Variants in PCDHGB3 observed in about 807,000 individuals in gnomAD.
PCDHGB3 encodes the protein protocadherin gamma subfamily B, 3, also known as protocadherin gamma-B3.
A neutral mutation model predicts 59.2 loss-of-function variants in PCDHGB3; 40 were observed. That is an observed-to-expected ratio of 0.68 (90% CI 0.52 to 0.88). The LOEUF (loss-of-function observed/expected upper bound fraction) is 0.88. Among genes scored for constraint, PCDHGB3 ranks in the 40% least tolerant of loss-of-function variants. PCDHGB3 has a pLI of 0.00. For missense variants in PCDHGB3, 1,309 were observed against 1,187.9 expected (o/e 1.10, Z -1.50); for synonymous variants, 581 against 503.6 (o/e 1.15, Z -2.06).
chr5:141,480,065 A>G (rs2099511928), intron 1 of PCDHGB3, among the ~76,000 whole-genome samples: 1 of 152,220 alleles, frequency 6.6e-6, no homozygotes, highest in Non-Finnish European at 1.5e-5. Flanking sequence ...TAAGTGTTTT[A>G]TAAGATTCAT....
chr5:141,408,346 G>T (rs1248648378), intron 1 of PCDHGB3: 1 of 1,613,824 alleles, frequency 6.2e-7, no homozygotes, highest in African/African-American at 1.3e-5. Context: ...CGGTGGTGGG[G>T]AACCTCGCTA....
At chr5:141,433,353 G>C (rs2097584366) in intron 1 of PCDHGB3, 4 of 603,272 alleles carry the variant, frequency 6.6e-6, no homozygotes, top group South Asian at 6.2e-5. Context: ...GCCACCTACT[G>C]TCTGCCTATC....
chr5:141,374,118 AGCAGGTCCT>A lies in PCDHGB3; in HGVS notation c.2415+1312_2415+1320del, dbSNP rs761650555. On this transcript the variant is annotated intron_variant, in intron 1 of 3. Coordinates refer to ENST00000576222, the MANE Select transcript of PCDHGB3 (RefSeq NM_018924.5). ...CCGCAGAGGCATCCGCAGCGCAGCG[AGCAGGTCCT>A]GCTCCTCACGCTCCTGGGGACGCTG... 3.3e-5 allele frequency: 52 copies of A among 1,589,674 alleles called. 1 individual carries two copies. In the South Asian group the frequency reaches 5.5e-4, roughly 17 times the overall value.
chr5:141,451,069 C>G (rs2098705799), intron 1 of PCDHGB3, among the ~76,000 whole-genome samples: 1 of 151,836 alleles, frequency 6.6e-6, no homozygotes, highest in Non-Finnish European at 1.5e-5. Flanking sequence ...ACCTTGTGAT[C>G]CACCCACCTT....
chr5:141,487,516 G>A lies in PCDHGB3; in HGVS notation c.2416-7291G>A, dbSNP rs2099648095. On this transcript the variant is annotated intron_variant, in intron 1 of 3. Coordinates refer to ENST00000576222, the MANE Select transcript of PCDHGB3 (RefSeq NM_018924.5). The surrounding 1 kb of genome is among the most constrained non-coding windows in gnomAD (Gnocchi z 5.0). ...CACCCTTGGCTTCTGCACCCACTCG[G>A]AGTGATAGCTTCATGATGGTGAAGT... 6.2e-7 allele frequency: 1 copy of A among 1,614,078 alleles called. No individual in the cohort carries two copies. The highest frequency in any genetic ancestry group is 1.7e-5 in the Admixed American group (1 of 60,010).
intron 1 of PCDHGB3, chr5:141,478,227 G>A: frequency 6.2e-7 from 1 of 1,614,104 alleles, no homozygotes; most frequent in Non-Finnish European, 8.5e-7. Context: ...GTTTCTGTGG[G>A]GTTTGTGGTC....
At chr5:141,375,928 A>G (rs3749773) in intron 1 of PCDHGB3, 89,673 of 1,613,560 alleles carry the variant, frequency 0.056, 2,973 homozygotes, top group African/African-American at 0.14. Context: ...GCGAGCCAGG[A>G]CTTTTCTCAG....
chr5:141,408,448 G>A, intron 1 of PCDHGB3: 4 of 1,614,054 alleles, frequency 2.5e-6, no homozygotes, highest in Non-Finnish European at 2.5e-6. Context: ...CGGAGAGCGG[G>A]GACTTACTTG....
Position 141,487,007 on chromosome 5 carries a change from G to A in PCDHGB3, c.2416-7800G>A, listed in dbSNP as rs563548715. The A allele has an allele frequency of 3.1e-6, 5 of 1,614,206 alleles. No homozygotes were observed. In the South Asian group the frequency reaches 5.5e-5, roughly 18 times the overall value. ...TGCTTGGGTTTCCTATCAGCTCCTGGAGGCCCCAGATCCCAGCCTGTTTGC... is the reference window on the plus strand; with the variant it reads ...TGCTTGGGTTTCCTATCAGCTCCTGAAGGCCCCAGATCCCAGCCTGTTTGC... On this transcript the variant is annotated intron_variant, in intron 1 of 3. Transcript: ENST00000576222. This position sits in a 1 kb window ranked among gnomAD's most constrained non-coding sequence, Gnocchi z 5.0.
Position 141,370,945 on chromosome 5 carries a change from A to G in PCDHGB3, c.551A>G (p.Glu184Gly), listed in dbSNP as rs926355421. Residue 184 changes from glutamate (E) to glycine (G), a missense_variant, in exon 1 of 4, where the codon GAG becomes GGG. Physicochemically the swap from Glu to Gly is moderately conservative, Grantham distance 98 (BLOSUM62 -2). Coordinates refer to ENST00000576222, the MANE Select transcript of PCDHGB3 (RefSeq NM_018924.5). ...PDPHFSLIQK[E>G]NLDGSRYPEL... is the part of the protein sequence containing the mutation. ...CCGCACTTCTCTTTGATTCAGAAGG[A>G]GAACCTGGATGGCAGTAGGTACCCA... 1 of 1,614,020 alleles carries G rather than the reference A, an allele frequency of 6.2e-7. No homozygotes were observed. Among genetic ancestry groups the G allele is most frequent in the Non-Finnish European group, 8.5e-7 (1 of 1,179,876 alleles).
At chr5:141,495,779 C>A (rs529564820) in intron 2 of PCDHGB3, among the ~76,000 whole-genome samples, 53 of 152,094 alleles carry the variant, frequency 3.5e-4, no homozygotes, top group Non-Finnish European at 4.6e-4. Flanking sequence ...TCCTGGACCT[C>A]TTTTCTGTTT....
At position 141,383,792 on chromosome 5, in the gene PCDHGB3, C is replaced by T. The variant is rs766483523; in HGVS notation, c.2415+10983C>T. On this transcript the variant is annotated intron_variant, in intron 1 of 3. Coordinates refer to ENST00000576222, the MANE Select transcript of PCDHGB3 (RefSeq NM_018924.5). ...AAGATGTTTCATCTGAACTCGCTTA[C>T]AGGAGAAATATCAACTTTAGAAGGA... 2 of 1,613,914 alleles carry T rather than the reference C, an allele frequency of 1.2e-6. No homozygotes were observed. The highest frequency in any genetic ancestry group is 1.1e-5 in the South Asian group (1 of 91,080).
intron 1 of PCDHGB3, among the ~76,000 whole-genome samples, chr5:141,443,765 A>G (rs577762947): frequency 6.6e-6 from 1 of 152,340 alleles, no homozygotes; most frequent in East Asian, 1.9e-4. Context: ...TACAATATAC[A>G]ATATTACCAA....
At position 141,372,523 on chromosome 5, in the gene PCDHGB3, CA is replaced by C; in HGVS notation, c.2131del (p.Ile711SerfsTer60). 10 of 1,614,018 alleles carry C rather than the reference CA, an allele frequency of 6.2e-6. No homozygotes were observed. Among genetic ancestry groups the C allele is most frequent in the Non-Finnish European group, 8.5e-6 (10 of 1,179,870 alleles). ...CTCTTCCTCCTCGCGGTGATTCTGG[CA>C]ATCTCCCTGCGCCTGCGATGCTCCT... ...SVLFLLAVILAISLRLRCSSR... is the reference protein window; with the variant it reads ...SVLFLLAVILXISLRLRCSSR... On this transcript the variant is annotated frameshift_variant, in exon 1 of 4. Coordinates refer to ENST00000576222, the MANE Select transcript of PCDHGB3 (RefSeq NM_018924.5). LOFTEE classifies it high-confidence loss of function.
chr5:141,410,847 G>GTTT (rs773839667), intron 1 of PCDHGB3: 4 of 158,330 alleles, frequency 2.5e-5, no homozygotes, highest in South Asian at 1.1e-4. Context: ...TTTTGTCTTT[G>GTTT]TCTTTTTTTT....
At chr5:141,395,410 AT>A (rs1180706569) in intron 1 of PCDHGB3, 2 of 801,646 alleles carry the variant, frequency 2.5e-6, no homozygotes, top group African/African-American at 3.5e-5. Flanking sequence ...GTCATAGGTT[AT>A]TGTTTCATTT....
rs2099694486 is a variant in PCDHGB3 at position 141,489,987 on chromosome 5, G to A, written c.2416-4820G>A. The A allele has an allele frequency of 1.2e-6, 2 of 1,614,106 alleles. No homozygotes were observed. The highest frequency in any genetic ancestry group is 1.3e-5 in the African/African-American group (1 of 74,932). The stretch of plus-strand genomic sequence containing the variant: ...CCTTCCAATCCTCAGTTCTACGTGT[G>A]GGAATCCCAGAGAATGCACCCATTG... On this transcript the variant is annotated intron_variant, in intron 1 of 3. Coordinates refer to ENST00000576222, the MANE Select transcript of PCDHGB3 (RefSeq NM_018924.5). The surrounding 1 kb of genome is among the most constrained non-coding windows in gnomAD (Gnocchi z 4.5).
chr5:141,509,872 G>T (rs968745661), intron 3 of PCDHGB3, among the ~76,000 whole-genome samples: 16 of 152,166 alleles, frequency 1.1e-4, no homozygotes, highest in Non-Finnish European at 1.5e-5. Context: ...CCAAGCTGCT[G>T]GTGGTGATGG....
At position 141,370,497 on chromosome 5, in the gene PCDHGB3, T is replaced by C; in HGVS notation, c.103T>C (p.Tyr35His). Residue 35 changes from tyrosine (Y) to histidine (H), a missense_variant, in exon 1 of 4, where the codon TAC (tyrosine) becomes CAC (histidine). Tyr to His is a moderately conservative substitution (Grantham distance 83). Coordinates refer to ENST00000576222, the MANE Select transcript of PCDHGB3 (RefSeq NM_018924.5). ...CCAGGCTCTCTCCGAACCGATCCGCTACGCTATTCCCGAGGAGCTGGACAG... is the reference window on the plus strand; with the variant it reads ...CCAGGCTCTCTCCGAACCGATCCGCCACGCTATTCCCGAGGAGCTGGACAG... ...LDQALSEPIR[Y>H]AIPEELDRGS... 2 of 1,613,956 alleles carry C rather than the reference T, an allele frequency of 1.2e-6. No homozygotes were observed. Among genetic ancestry groups the C allele is most frequent in the Non-Finnish European group, 1.7e-6 (2 of 1,179,882 alleles).
Sources: allele counts gnomAD v4.1 joint callset (sites outside exome capture counted in the v4.1 genomes callset), GRCh38; gene constraint gnomAD v4.1.1; non-coding constraint Gnocchi (gnomAD v3.1); transcripts MANE v1.5; gene names NCBI Gene and HGNC (gene_info 2026-07-23, HGNC 2026-07-21).